EPB41L2: variants seen among roughly 807,000 people sequenced by gnomAD.
The protein encoded by EPB41L2 is band 4.1-like protein 2.
In EPB41L2, 43 loss-of-function variants were observed where a neutral mutation model predicts 113.0. The ratio of observed to expected loss-of-function variants is 0.38; its 90% CI spans 0.30 to 0.49. EPB41L2 has a LOEUF of 0.49. EPB41L2 is among the 20% of genes least tolerant of loss of function. The pLI, the probability that EPB41L2 is intolerant of heterozygous loss-of-function variation, is 0.95. For missense variants in EPB41L2, 1,147 were observed against 1,223.4 expected, an observed-to-expected ratio of 0.94 and a Z score of 0.93; for synonymous variants, 442 against 436.7, an observed-to-expected ratio of 1.01 and a Z score of -0.15.
intron 1 of EPB41L2, among the ~76,000 whole-genome samples, chr6:130,967,809 T>C: frequency 6.6e-6 from 1 of 152,240 alleles, no homozygotes. Context: ...AGCACAGTGT[T>C]TGCATCCAGT....
At chr6:130,920,406 C>T (rs150664085) in intron 4 of EPB41L2, among the ~76,000 whole-genome samples, 1 of 152,310 alleles carries the variant, frequency 6.6e-6, no homozygotes, top group African/African-American at 2.4e-5. Flanking sequence ...TGCAGGTTTA[C>T]ATCCTCTAGT....
At chr6:131,013,942 T>C (rs1433696891) in intron 1 of EPB41L2, among the ~76,000 whole-genome samples, 2 of 152,120 alleles carry the variant, frequency 1.3e-5, no homozygotes, top group Non-Finnish European at 2.9e-5. Context: ...CTGTTTTATA[T>C]CCAAATCGTC....
At chr6:130,991,811 G>T (rs1031619254) in intron 1 of EPB41L2, among the ~76,000 whole-genome samples, 2 of 152,172 alleles carry the variant, frequency 1.3e-5, no homozygotes, top group African/African-American at 4.8e-5. Flanking sequence ...TTCAGAAGGA[G>T]ATTTGGTCTT....
At chr6:130,999,095 C>T (rs1355866193) in intron 1 of EPB41L2, among the ~76,000 whole-genome samples, 4 of 152,022 alleles carry the variant, frequency 2.6e-5, no homozygotes, top group Non-Finnish European at 5.9e-5. Context: ...CGAGCACCAC[C>T]GTAGAGTCCA....
At chr6:130,919,112 C>A (rs1583446951) in intron 4 of EPB41L2, among the ~76,000 whole-genome samples, 1 of 152,060 alleles carries the variant, frequency 6.6e-6, no homozygotes, top group East Asian at 1.9e-4. Flanking sequence ...AATATTCACA[C>A]CTGAAAAGTG....
chr6:131,018,559 A>G (rs201120453), intron 1 of EPB41L2, among the ~76,000 whole-genome samples: 2 of 152,144 alleles, frequency 1.3e-5, no homozygotes, highest in African/African-American at 4.8e-5. Context: ...AATAGAATCA[A>G]ATTTCTGAAT....
chr6:130,956,922 G>C (rs1817637905), intron 1 of EPB41L2, among the ~76,000 whole-genome samples: 1 of 152,152 alleles, frequency 6.6e-6, no homozygotes, highest in Non-Finnish European at 1.5e-5. Flanking sequence ...AACAGTGCTA[G>C]AAAGCAATGA....
chr6:130,910,317 G>T (rs1798975240), intron 4 of EPB41L2, among the ~76,000 whole-genome samples: 1 of 152,178 alleles, frequency 6.6e-6, no homozygotes, highest in Non-Finnish European at 1.5e-5. Flanking sequence ...GGGAAAACTG[G>T]CTAGCCATAT....
chr6:130,841,276 C>A (rs542174555), intron 19 of EPB41L2, among the ~76,000 whole-genome samples: 5 of 150,290 alleles, frequency 3.3e-5, no homozygotes, highest in Non-Finnish European at 7.4e-5. Flanking sequence ...GACCAGTTGG[C>A]AATCTACTAC....
intron 6 of EPB41L2, 102 bp from the exon 7 acceptor site, chr6:130,901,282 CA>C (rs1796232020): frequency 1.1e-6 from 1 of 928,422 alleles, no homozygotes; most frequent in Admixed American, 2.3e-5. Context: ...AACAAATATA[CA>C]ATATAGGCAC....
chr6:130,995,638 A>T (rs1782915624), intron 1 of EPB41L2, among the ~76,000 whole-genome samples: 1 of 152,262 alleles, frequency 6.6e-6, no homozygotes, highest in Non-Finnish European at 1.5e-5. Context: ...AAATTGACTG[A>T]GACCTGTCTC....
chr6:131,038,866 T>C (rs1337884954), intron 1 of EPB41L2, among the ~76,000 whole-genome samples: 1 of 152,156 alleles, frequency 6.6e-6, no homozygotes, highest in Non-Finnish European at 1.5e-5. Context: ...AGCATAAGGA[T>C]AAAACTGAGC....
chr6:130,960,896 G>A (rs999418328), intron 1 of EPB41L2, among the ~76,000 whole-genome samples: 91 of 152,102 alleles, frequency 6.0e-4, no homozygotes, highest in African/African-American at 2.1e-3. Flanking sequence ...CATGAGGGCT[G>A]GGATCTCTCT....
intron 1 of EPB41L2, among the ~76,000 whole-genome samples, chr6:130,962,594 A>T (rs1773868763): frequency 6.6e-6 from 1 of 152,224 alleles, no homozygotes; most frequent in African/African-American, 2.4e-5. Context: ...TTTTAAAAGG[A>T]TAAGGGACCT....
chr6:130,998,591 G>A (rs1324744324), intron 1 of EPB41L2, among the ~76,000 whole-genome samples: 3 of 152,088 alleles, frequency 2.0e-5, no homozygotes, highest in African/African-American at 7.2e-5. Context: ...CTTTATCTGA[G>A]GTGTATGTGC....
At chr6:130,869,526 C>G (rs752149429) in intron 15 of EPB41L2, 37 bp downstream of exon 15, 1 of 1,583,702 alleles carries the variant, frequency 6.3e-7, no homozygotes, top group South Asian at 1.2e-5. Context: ...TGAGAAGCAG[C>G]TCTAGAGTTT....
intron 14 of EPB41L2, among the ~76,000 whole-genome samples, chr6:130,873,755 C>G (rs144735242): frequency 6.7e-6 from 1 of 150,340 alleles, no homozygotes. Context: ...CGTGAGCCAC[C>G]GCACCCAGTC....
Position 130,869,838 on chromosome 6 carries a change from C to T in EPB41L2, c.2332G>A (p.Glu778Lys). ...TTGGCTGCCGGGCGGGGTTCTTCCT[C>T]CACCTCTTCTTCATACTCCTGTTCC... The part of the protein sequence containing the change: ...REEQEYEEEV[E>K]EEPRPAAKVV... Residue 778 changes from glutamate (E) to lysine (K), a missense_variant, in exon 15 of 20, where the codon GAG becomes AAG. Glu to Lys is a moderately conservative substitution (Grantham distance 56). Coordinates refer to ENST00000337057, the MANE Select transcript of EPB41L2 (RefSeq NM_001431.4). 6.2e-7 allele frequency: 1 copy of T among 1,613,860 alleles called. No homozygotes were observed. The highest frequency in any genetic ancestry group is 8.5e-7 in the Non-Finnish European group (1 of 1,179,996).
rs572645679 is a variant in EPB41L2 at position 130,979,939 on chromosome 6, A to C, written c.-14-23440T>G. ...AACTGTAGAGAAAACAAGCAGTAGGATAAATGCTCATCAAAAATCTCCAGG... is the reference window on the plus strand; with the variant it reads ...AACTGTAGAGAAAACAAGCAGTAGGCTAAATGCTCATCAAAAATCTCCAGG... On this transcript the variant is annotated intron_variant, in intron 1 of 19. Coordinates refer to ENST00000337057, the MANE Select transcript of EPB41L2 (RefSeq NM_001431.4). Among the ~76,000 whole-genome samples, 3 of 152,336 alleles carry C rather than the reference A, an allele frequency of 2.0e-5. No individual in the cohort carries two copies. The East Asian group carries it at 5.8e-4, about 29-fold the overall frequency.
Sources: allele counts gnomAD v4.1 joint callset (sites outside exome capture counted in the v4.1 genomes callset), GRCh38; gene constraint gnomAD v4.1.1; transcripts MANE v1.5; gene names NCBI Gene and HGNC (gene_info 2026-07-23, HGNC 2026-07-21).